DMRT1: variants seen among roughly 807,000 people sequenced by gnomAD.
DMRT1 encodes the protein doublesex- and mab-3-related transcription factor 1.
Under a neutral mutation model 32.3 loss-of-function variants are expected in DMRT1, and 7 were observed. The observed-to-expected ratio is 0.22, with a 90% CI of 0.12 to 0.41. The LOEUF (loss-of-function observed/expected upper bound fraction) is 0.41. DMRT1 is among the 10% of genes least tolerant of loss of function. The pLI, the probability that DMRT1 is intolerant of heterozygous loss-of-function variation, is 1.00. For synonymous variants in DMRT1, 278 were observed against 206.1 expected (o/e 1.35, Z -2.99); for missense variants, 625 against 500.5 (o/e 1.25, Z -2.37).
At chr9:926,145 C>T (rs1818516714) in intron 4 of DMRT1, among the ~76,000 whole-genome samples, 1 of 141,774 alleles carries the variant, frequency 7.1e-6, no homozygotes, top group African/African-American at 2.7e-5. Context: ...CAAAAGCAAA[C>T]TTAAACCCTT....
intron 3 of DMRT1, among the ~76,000 whole-genome samples, chr9:912,078 T>A (rs1487750462): frequency 6.6e-6 from 1 of 152,138 alleles, no homozygotes; most frequent in African/African-American, 2.4e-5. Flanking sequence ...AAACTTGCAG[T>A]CATGTCAGAA....
intron 2 of DMRT1, among the ~76,000 whole-genome samples, chr9:882,146 G>T (rs1284455532): frequency 6.6e-6 from 1 of 152,206 alleles, no homozygotes; most frequent in Non-Finnish European, 1.5e-5. Flanking sequence ...ATCAGGGCAG[G>T]GAGAGGCAGA....
intron 1 of DMRT1, among the ~76,000 whole-genome samples, chr9:843,773 A>C (rs1838790930): frequency 6.6e-6 from 1 of 152,250 alleles, no homozygotes; most frequent in African/African-American, 2.4e-5. Context: ...CATTGAAAAC[A>C]AATGCCCGAA....
At chr9:854,137 G>C (rs1197132050) in intron 2 of DMRT1, among the ~76,000 whole-genome samples, 2 of 150,304 alleles carry the variant, frequency 1.3e-5, no homozygotes, top group East Asian at 2.0e-4. Context: ...TTTTTCAAGA[G>C]ACAGAGGTTC....
chr9:875,689 A>G (rs1334642013), intron 2 of DMRT1, among the ~76,000 whole-genome samples: 2 of 152,184 alleles, frequency 1.3e-5, no homozygotes, highest in African/African-American at 2.4e-5. Context: ...CAAGCCCAGC[A>G]TGGCTCTTTG....
At chr9:910,343 C>T (rs1193117928) in intron 3 of DMRT1, among the ~76,000 whole-genome samples, 1 of 151,766 alleles carries the variant, frequency 6.6e-6, no homozygotes, top group African/African-American at 2.4e-5. Context: ...GACTGTTCCC[C>T]TTTGTTACAT....
chr9:899,389 A>G (rs1013105572), intron 3 of DMRT1, among the ~76,000 whole-genome samples: 2 of 152,196 alleles, frequency 1.3e-5, no homozygotes, highest in African/African-American at 4.8e-5. Context: ...CAAGCCACGA[A>G]TAATTACTGA....
At chr9:861,910 C>T (rs573587510) in intron 2 of DMRT1, among the ~76,000 whole-genome samples, 6 of 149,198 alleles carry the variant, frequency 4.0e-5, no homozygotes, top group South Asian at 4.3e-4. Flanking sequence ...GATGGGGCGG[C>T]GGGGCAGAGG....
At chr9:958,318 A>G (rs1410030507) in intron 4 of DMRT1, among the ~76,000 whole-genome samples, 1 of 152,230 alleles carries the variant, frequency 6.6e-6, no homozygotes, top group Non-Finnish European at 1.5e-5. Flanking sequence ...ATTCTACTTG[A>G]GAAATGGCTT....
intron 4 of DMRT1, among the ~76,000 whole-genome samples, chr9:926,009 C>G (rs1463930243): frequency 6.6e-6 from 1 of 152,150 alleles, no homozygotes; most frequent in African/African-American, 2.4e-5. Flanking sequence ...GGACTAAAGG[C>G]ATGGATGCAG....
At chr9:872,305 C>T (rs1816306836) in intron 2 of DMRT1, among the ~76,000 whole-genome samples, 1 of 152,094 alleles carries the variant, frequency 6.6e-6, no homozygotes, top group African/African-American at 2.4e-5. Flanking sequence ...TTGTGATCCA[C>T]CCGCCTTGGC....
Position 899,721 on chromosome 9 carries a change from A to G in DMRT1, c.822+5526A>G, listed in dbSNP as rs577491428. On this transcript the variant is annotated intron_variant, in intron 3 of 4. Coordinates refer to ENST00000382276, the MANE Select transcript of DMRT1 (RefSeq NM_021951.3). ...TTGTGCACTCCTCCACCGCAACATT[A>G]TCTCTTAAATAAACATGTTGTACCA... 5.3e-5 allele frequency among the ~76,000 whole-genome samples: 8 copies of G among 152,364 alleles called. No individual in the cohort carries two copies. The South Asian group carries it at 6.2e-4, about 12-fold the overall frequency.
At chr9:967,847 C>T (rs1819980215) in intron 4 of DMRT1, 138 bp from the exon 5 acceptor site, 1 of 854,946 alleles carries the variant, frequency 1.2e-6, no homozygotes, top group South Asian at 1.4e-5. Context: ...TATAAAAACA[C>T]TTTCAACTCA....
chr9:922,533 T>A (rs1207170567), intron 4 of DMRT1, among the ~76,000 whole-genome samples: 1 of 152,232 alleles, frequency 6.6e-6, no homozygotes, highest in African/African-American at 2.4e-5. Context: ...ATAGACATCG[T>A]TCTCTGCATG....
At chr9:895,953 C>CCT (rs1817342162) in intron 3 of DMRT1, among the ~76,000 whole-genome samples, 1 of 151,576 alleles carries the variant, frequency 6.6e-6, no homozygotes, top group Non-Finnish European at 1.5e-5. Context: ...TACAGGCACG[C>CCT]GCCACCAAGC....
chr9:863,187 G>A lies in DMRT1; in HGVS notation c.538+16044G>A, dbSNP rs370592337. On this transcript the variant is annotated intron_variant, in intron 2 of 4. Transcript: ENST00000382276. ...AAAAAAATTAGCCAGGTGTGGGGGT[G>A]GCTGCTTTTAGTCCCAGCTGCTTGC... Among the ~76,000 whole-genome samples, 5 of 151,622 alleles carry A rather than the reference G, an allele frequency of 3.3e-5. No homozygotes were observed. The South Asian group carries it at 6.3e-4, about 19-fold the overall frequency.
chr9:873,932 T>C (rs1816385073), intron 2 of DMRT1, among the ~76,000 whole-genome samples: 1 of 152,120 alleles, frequency 6.6e-6, no homozygotes, highest in African/African-American at 2.4e-5. Context: ...AAAAGAAATA[T>C]AGGAAGTGGG....
At chr9:919,504 C>G (rs929398137) in intron 4 of DMRT1, among the ~76,000 whole-genome samples, 4 of 152,084 alleles carry the variant, frequency 2.6e-5, no homozygotes, top group African/African-American at 9.7e-5. Flanking sequence ...AGGATAGGAG[C>G]CATTCCTTCT....
intron 2 of DMRT1, among the ~76,000 whole-genome samples, chr9:869,842 T>C (rs1231958562): frequency 6.6e-6 from 1 of 152,230 alleles, no homozygotes; most frequent in Non-Finnish European, 1.5e-5. Flanking sequence ...TAGCTATTAA[T>C]GCAAGTCTGC....
Sources: allele counts gnomAD v4.1 joint callset (sites outside exome capture counted in the v4.1 genomes callset), GRCh38; gene constraint gnomAD v4.1.1; transcripts MANE v1.5; gene names NCBI Gene and HGNC (gene_info 2026-07-23, HGNC 2026-07-21).